Variants in FBXO42 observed in about 807,000 individuals in gnomAD.
FBXO42 encodes F-box protein 42.
Under a neutral mutation model 71.7 loss-of-function variants are expected in FBXO42, and 12 were observed. The observed-to-expected ratio is 0.17, with a 90% CI of 0.11 to 0.27. The LOEUF is 0.27. FBXO42 is among the 10% of genes least tolerant of loss of function. The pLI, the probability that FBXO42 is intolerant of heterozygous loss-of-function variation, is 1.00. For missense variants in FBXO42, 707 were observed against 911.9 expected, an observed-to-expected ratio of 0.78 and a Z score of 2.89; for synonymous variants, 325 against 327.5, an observed-to-expected ratio of 0.99 and a Z score of 0.08.
intron 1 of FBXO42, among the ~76,000 whole-genome samples, chr1:16,346,720 G>A (rs568715072): frequency 5.5e-5 from 8 of 145,858 alleles, no homozygotes; most frequent in African/African-American, 2.0e-4. Context: ...GAGAAAATAA[G>A]TTACTAAGCT....
intron 4 of FBXO42, among the ~76,000 whole-genome samples, chr1:16,265,433 T>G (rs1371439909): frequency 6.6e-6 from 1 of 152,192 alleles, no homozygotes; most frequent in African/African-American, 2.4e-5. Context: ...CATTTTTTAG[T>G]ATTAGTTTAT....
At chr1:16,332,207 CCT>C (rs937906862) in intron 1 of FBXO42, among the ~76,000 whole-genome samples, 1 of 152,050 alleles carries the variant, frequency 6.6e-6, no homozygotes, top group African/African-American at 2.4e-5. Flanking sequence ...AATGTAATCC[CCT>C]CTTTGCCACC....
chr1:16,250,514 T>C lies in FBXO42; in HGVS notation c.*156A>G. 1 of 431,454 alleles carries C rather than the reference T, an allele frequency of 2.3e-6. No individual in the cohort carries two copies. Among genetic ancestry groups the C allele is most frequent in the Admixed American group, 3.8e-5 (1 of 26,264 alleles). 26.7% of individuals were successfully genotyped at this position (431,454 alleles called of 1,614,324 possible). A position where few individuals can be genotyped will look rare whatever the true frequency, so the allele number is the denominator to read the frequency against. On this transcript the variant is annotated 3_prime_UTR_variant, in exon 10 of 10. Transcript: ENST00000375592. The surrounding 1 kb of genome is among the most constrained non-coding windows in gnomAD (Gnocchi z 4.7). ...ATTTATATATAATTTTTTTTCTTAATGGAGATTTGATCCCAGCCTGGAGTG... is the reference window on the plus strand; with the variant it reads ...ATTTATATATAATTTTTTTTCTTAACGGAGATTTGATCCCAGCCTGGAGTG...
intron 5 of FBXO42, 39 bp from the exon 6 acceptor site, chr1:16,255,860 C>G (rs755229696): frequency 5.6e-6 from 8 of 1,422,516 alleles, no homozygotes; most frequent in Non-Finnish European, 6.8e-6. Flanking sequence ...GAAGTCAGCA[C>G]CACACACTTT....
In FBXO42 at chr1:16,266,461, C is replaced by A. The variant is rs138253611; in HGVS notation, c.503-9702G>T. Among the ~76,000 whole-genome samples the A allele has an allele frequency of 1.1e-4, 17 of 152,262 alleles. No individual in the cohort carries two copies. The South Asian group carries it at 3.5e-3, about 32-fold the overall frequency. ...CCATCTTAACCACTCTGTGCAGACT[C>A]GCTTTCTCAGAGTGGGTCCAATATA... On this transcript the variant is annotated intron_variant, in intron 4 of 9. Transcript: ENST00000375592.
At chr1:16,305,575 G>A (rs1323033428) in intron 3 of FBXO42, among the ~76,000 whole-genome samples, 1 of 152,064 alleles carries the variant, frequency 6.6e-6, no homozygotes. Flanking sequence ...TTAACCAGGT[G>A]TGATGGGGCA....
At chr1:16,279,833 G>A (rs559237154) in intron 4 of FBXO42, among the ~76,000 whole-genome samples, 3 of 133,086 alleles carry the variant, frequency 2.3e-5, no homozygotes, top group East Asian at 4.7e-4. Context: ...GAAAAATCAT[G>A]TTGACAATGG....
At chr1:16,284,275 T>C (rs988037123) in intron 4 of FBXO42, among the ~76,000 whole-genome samples, 1 of 152,222 alleles carries the variant, frequency 6.6e-6, no homozygotes, top group Non-Finnish European at 1.5e-5. Flanking sequence ...TCAATTATTT[T>C]ACCTGAGTCA....
rs202191833 is a variant in FBXO42, at chr1:16,282,120, CTG to C, written c.502+12661_502+12662del. Among the ~76,000 whole-genome samples, 709 of 152,178 alleles carry C rather than the reference CTG, an allele frequency of 4.7e-3. 6 individuals carry two copies. The highest frequency in any genetic ancestry group is 0.016 in the African/African-American group (663 of 41,500). Reference sequence around the variant, plus strand: ...ACTCACCTAATTTACTGTAATAACACTGAGAGAGCTCACATATTATACAGTAA... The same window carrying C: ...ACTCACCTAATTTACTGTAATAACACAGAGAGCTCACATATTATACAGTAA... On this transcript the variant is annotated intron_variant, in intron 4 of 9. Coordinates refer to ENST00000375592, the MANE Select transcript of FBXO42 (RefSeq NM_018994.3).
At chr1:16,289,357 A>T (rs2082055449) in intron 4 of FBXO42, among the ~76,000 whole-genome samples, 1 of 151,506 alleles carries the variant, frequency 6.6e-6, no homozygotes, top group Admixed American at 6.6e-5. Context: ...TCAATTAATT[A>T]TGATTGTGCC....
At position 16,251,776 on chromosome 1, in the gene FBXO42, A is replaced by T; in HGVS notation, c.1048T>A (p.Cys350Ser). 6.2e-7 allele frequency: 1 copy of T among 1,612,996 alleles called. No individual in the cohort carries two copies. Among genetic ancestry groups the T allele is most frequent in the Non-Finnish European group, 8.5e-7 (1 of 1,179,366 alleles). The change falls in exon 10 of 10, where the codon TGT (cysteine) becomes AGT (serine). Residue 350 changes from cysteine (C) to serine (S), a missense_variant. Coordinates refer to ENST00000375592, the MANE Select transcript of FBXO42 (RefSeq NM_018994.3). The surrounding 1 kb of genome is among the most constrained non-coding windows in gnomAD (Gnocchi z 4.5). ...GGAGCCTGGCTGAAGACCACCACACACTGTCCCACCTGGAAGACAAAGGAC... is the reference window on the plus strand; with the variant it reads ...GGAGCCTGGCTGAAGACCACCACACTCTGTCCCACCTGGAAGACAAAGGAC... ...WCHPACRVGQ[C>S]VVVFSQAPSG...
intron 1 of FBXO42, among the ~76,000 whole-genome samples, chr1:16,346,784 TCA>T (rs1384095940): frequency 7.1e-6 from 1 of 140,036 alleles, no homozygotes; most frequent in Non-Finnish European, 1.5e-5. Flanking sequence ...AGACAGAGTC[TCA>T]CTCTGTCGCC....
intron 4 of FBXO42, among the ~76,000 whole-genome samples, chr1:16,274,599 T>TTG (rs2081880226): frequency 8.6e-6 from 1 of 116,120 alleles, no homozygotes; most frequent in East Asian, 3.1e-4. Context: ...TTTTTTTTTT[T>TTG]TTTTTTTTTT....
chr1:16,300,994 G>A (rs1310667071), intron 3 of FBXO42, among the ~76,000 whole-genome samples: 1 of 149,458 alleles, frequency 6.7e-6, no homozygotes, highest in Admixed American at 6.8e-5. Flanking sequence ...TGCCTCCCAG[G>A]TTCAAGCGAT....
At position 16,256,773 on chromosome 1, in the gene FBXO42, G is replaced by A. The variant is rs1557570192; in HGVS notation, c.503-14C>T. 1 of 1,613,298 alleles carries A rather than the reference G, an allele frequency of 6.2e-7. No individual in the cohort carries two copies. The highest frequency in any genetic ancestry group is 1.3e-5 in the African/African-American group (1 of 74,902). On this transcript the variant is annotated splice_polypyrimidine_tract_variant and intron_variant, in intron 4 of 9. Transcript: ENST00000375592. ...AAGGATAGGACCCTAGGGAAAGTCAGTAACACCATGGTTAGCATTCAGGAT... is the reference window on the plus strand; with the variant it reads ...AAGGATAGGACCCTAGGGAAAGTCAATAACACCATGGTTAGCATTCAGGAT...
intron 4 of FBXO42, among the ~76,000 whole-genome samples, chr1:16,280,758 A>C (rs1321468543): frequency 1.3e-5 from 2 of 152,018 alleles, no homozygotes; most frequent in Admixed American, 1.3e-4. Context: ...TGGGAGAGAG[A>C]GTGAAACCCA....
chr1:16,289,401 G>A (rs1440746481), intron 4 of FBXO42, among the ~76,000 whole-genome samples: 5 of 138,104 alleles, frequency 3.6e-5, no homozygotes, highest in African/African-American at 5.2e-5. Context: ...GAGCAAGATT[G>A]TCTCTTTAAA....
chr1:16,259,498 T>A (rs35312617), intron 4 of FBXO42, among the ~76,000 whole-genome samples: 41,525 of 152,144 alleles, frequency 0.27, 6,562 homozygotes, highest in Non-Finnish European at 0.37. Flanking sequence ...GCGCAGTGGC[T>A]CACACCTGTA....
intron 1 of FBXO42, among the ~76,000 whole-genome samples, chr1:16,325,525 T>C (rs2082441945): frequency 6.6e-6 from 1 of 152,158 alleles, no homozygotes; most frequent in Non-Finnish European, 1.5e-5. Flanking sequence ...TCATAACAGA[T>C]ACCAGCTGCA....
Sources: gnomAD v4.1 joint callset for allele counts (sites outside exome capture counted in the v4.1 genomes callset) on GRCh38, gnomAD v4.1.1 for gene constraint, Gnocchi (gnomAD v3.1) non-coding constraint, MANE v1.5 for transcripts, NCBI Gene and HGNC (gene_info 2026-07-23, HGNC 2026-07-21) for gene names.